The following PALM2AKAP2 variants were observed in gnomAD, a reference collection of about 807,000 sequenced individuals.
PALM2AKAP2 encodes PALM2-AKAP2 fusion protein.
A neutral mutation model predicts 71.5 loss-of-function variants in PALM2AKAP2; 37 were observed. The observed-to-expected ratio is 0.52, with a 90% CI of 0.40 to 0.68. The LOEUF (loss-of-function observed/expected upper bound fraction) is 0.68, where lower values mean the gene tolerates loss of function less well. PALM2AKAP2 is among the 30% of genes least tolerant of loss of function. PALM2AKAP2 has a pLI of 0.00. For missense variants in PALM2AKAP2, 1,224 were observed against 1,191.8 expected, an observed-to-expected ratio of 1.03 and a Z score of -0.40; for synonymous variants, 468 against 478.8, an observed-to-expected ratio of 0.98 and a Z score of 0.29.
At chr9:109,795,136 T>C (rs1022979081) in intron 1 of PALM2AKAP2, among the ~76,000 whole-genome samples, 3 of 152,196 alleles carry the variant, frequency 2.0e-5, no homozygotes, top group Non-Finnish European at 4.4e-5. Flanking sequence ...CATTATAGGA[T>C]GTTAGTGGCA....
intron 1 of PALM2AKAP2, among the ~76,000 whole-genome samples, chr9:109,702,451 A>G (rs1169298604): frequency 3.9e-5 from 6 of 152,208 alleles, no homozygotes; most frequent in Non-Finnish European, 8.8e-5. Context: ...AGGGACATGG[A>G]TGAAGCTGGA....
At chr9:109,761,674 T>G (rs1189826632) in intron 1 of PALM2AKAP2, among the ~76,000 whole-genome samples, 1 of 152,242 alleles carries the variant, frequency 6.6e-6, no homozygotes, top group African/African-American at 2.4e-5. Flanking sequence ...GTTTCCAGTT[T>G]CATCCATATC....
At chr9:109,665,041 T>C (rs1827459720) in intron 1 of PALM2AKAP2, among the ~76,000 whole-genome samples, 1 of 152,200 alleles carries the variant, frequency 6.6e-6, no homozygotes, top group South Asian at 2.1e-4. Context: ...CATCAGGTCA[T>C]TTAAGTTCTT....
chr9:110,006,040 C>A (rs1832774662), intron 6 of PALM2AKAP2, among the ~76,000 whole-genome samples: 1 of 152,156 alleles, frequency 6.6e-6, no homozygotes. Context: ...GTCCTGCACC[C>A]ACTGTCCAAC....
chr9:109,681,294 A>G (rs1254943989), intron 1 of PALM2AKAP2, among the ~76,000 whole-genome samples: 2 of 152,168 alleles, frequency 1.3e-5, no homozygotes, highest in East Asian at 3.8e-4. Flanking sequence ...GCTCTCATGA[A>G]TTTCTGGTAG....
chr9:109,914,783 C>G (rs141739469), intron 3 of PALM2AKAP2, among the ~76,000 whole-genome samples: 1 of 152,310 alleles, frequency 6.6e-6, no homozygotes, highest in Non-Finnish European at 1.5e-5. Flanking sequence ...CTATGTCTCT[C>G]AATAGTGAGT....
chr9:110,140,472 T>C (rs1836000443), intron 2 of PALM2AKAP2, among the ~76,000 whole-genome samples: 1 of 152,220 alleles, frequency 6.6e-6, no homozygotes. Context: ...TCATTGTTAT[T>C]GCATTGTCAC....
At chr9:110,124,272 C>G (rs1835550340) in intron 1 of PALM2AKAP2, among the ~76,000 whole-genome samples, 1 of 152,122 alleles carries the variant, frequency 6.6e-6, no homozygotes, top group Non-Finnish European at 1.5e-5. Flanking sequence ...AACCCTGTTG[C>G]ATCTTTCAGC....
At chr9:109,986,036 C>T (rs190440728) in intron 6 of PALM2AKAP2, among the ~76,000 whole-genome samples, 5 of 152,246 alleles carry the variant, frequency 3.3e-5, no homozygotes, top group African/African-American at 7.2e-5. Context: ...ACTGCTAATA[C>T]GTCATCAAAT....
intron 6 of PALM2AKAP2, among the ~76,000 whole-genome samples, chr9:110,007,044 T>C (rs1465133161): frequency 6.6e-6 from 1 of 151,952 alleles, no homozygotes; most frequent in Non-Finnish European, 1.5e-5. Context: ...TGGTGAGGGG[T>C]AGGGGGTGCT....
intron 5 of PALM2AKAP2, among the ~76,000 whole-genome samples, chr9:109,927,229 A>T (rs1034029007): frequency 6.6e-6 from 1 of 152,196 alleles, no homozygotes; most frequent in Non-Finnish European, 1.5e-5. Context: ...GCGGGAACAC[A>T]TACATCCCAG....
intron 1 of PALM2AKAP2, among the ~76,000 whole-genome samples, chr9:110,073,059 G>A (rs1277871180): frequency 2.6e-5 from 4 of 152,186 alleles, no homozygotes; most frequent in Non-Finnish European, 5.9e-5. Context: ...TGCCTTAGGA[G>A]AGGTTTCTAC....
At chr9:110,023,760 G>C (rs1406391311) in intron 7 of PALM2AKAP2, among the ~76,000 whole-genome samples, 1 of 151,968 alleles carries the variant, frequency 6.6e-6, no homozygotes, top group East Asian at 2.0e-4. Flanking sequence ...GGGAGGCCAA[G>C]GTGGGTGGAT....
intron 1 of PALM2AKAP2, among the ~76,000 whole-genome samples, chr9:109,654,411 T>C (rs1415705900): frequency 1.3e-5 from 2 of 152,230 alleles, no homozygotes; most frequent in Admixed American, 1.3e-4. Flanking sequence ...AACTCTTTCA[T>C]TGTAATGGGA....
At chr9:109,796,973 G>C (rs962707437) in intron 1 of PALM2AKAP2, among the ~76,000 whole-genome samples, 2 of 152,134 alleles carry the variant, frequency 1.3e-5, no homozygotes, top group African/African-American at 4.8e-5. Flanking sequence ...TGTTAGCTAG[G>C]GGGTGGTAAA....
intron 1 of PALM2AKAP2, among the ~76,000 whole-genome samples, chr9:110,055,580 G>C (rs1449690593): frequency 6.6e-6 from 1 of 152,158 alleles, no homozygotes; most frequent in African/African-American, 2.4e-5. Context: ...CCTCCCAGAG[G>C]ACCCACCTCC....
At chr9:109,892,420 A>G (rs1461036676) in intron 3 of PALM2AKAP2, among the ~76,000 whole-genome samples, 1 of 151,842 alleles carries the variant, frequency 6.6e-6, no homozygotes. Context: ...ATCTACACAG[A>G]CCCTTTTATC....
chr9:110,141,359 C>T (rs988803840), intron 2 of PALM2AKAP2, among the ~76,000 whole-genome samples: 1 of 152,124 alleles, frequency 6.6e-6, no homozygotes, highest in Non-Finnish European at 1.5e-5. Context: ...ATCTTGATGT[C>T]GTATTGAGTA....
chr9:110,109,726 AGGAAAG>A lies in PALM2AKAP2; in HGVS notation c.157-26398_157-26393del, dbSNP rs1261302135. On this transcript the variant is annotated intron_variant, in intron 1 of 3. Transcript: ENST00000374525. ...AGATGAATTTGCCTGGGAGTGAGAG[AGGAAAG>A]GGCATGCCTATGTGGAGGTACCAGC... Among the ~76,000 whole-genome samples, 8 of 152,276 alleles carry A rather than the reference AGGAAAG, an allele frequency of 5.3e-5. No homozygotes were observed. In the South Asian group the frequency reaches 1.2e-3, roughly 24 times the overall value.
Sources: gnomAD v4.1 joint callset for allele counts (sites outside exome capture counted in the v4.1 genomes callset) on GRCh38, gnomAD v4.1.1 for gene constraint, MANE v1.5 for transcripts, NCBI Gene and HGNC (gene_info 2026-07-23, HGNC 2026-07-21) for gene names.